The following IQCM variants were observed in gnomAD, a reference collection of about 807,000 sequenced individuals.
IQCM encodes IQ motif containing M.
IQCM carries 45 observed loss-of-function variants against 57.6 expected under a neutral mutation model. The observed-to-expected ratio is 0.78, with a 90% CI of 0.62 to 1.00. The LOEUF is 1.00. Ranked by LOEUF, IQCM falls within the 50% of genes least tolerant of loss-of-function variation. IQCM has a pLI of 0.00. For synonymous variants in IQCM, 148 were observed against 158.9 expected (o/e 0.93, Z 0.51); for missense variants, 468 against 511.6 (o/e 0.91, Z 0.82).
intron 5 of IQCM, among the ~76,000 whole-genome samples, chr4:149,732,954 T>C (rs976487728): frequency 1.3e-5 from 2 of 152,154 alleles, no homozygotes; most frequent in Non-Finnish European, 2.9e-5. Context: ...TTAGCATCTG[T>C]GAAATAAACA....
intron 13 of IQCM, among the ~76,000 whole-genome samples, chr4:149,353,577 T>C (rs912986537): frequency 1.7e-4 from 26 of 152,284 alleles, no homozygotes; most frequent in African/African-American, 6.0e-4. Flanking sequence ...CTGTAGCATA[T>C]ATATACAATG....
At chr4:149,415,035 A>G (rs1259856989) in intron 13 of IQCM, among the ~76,000 whole-genome samples, 1 of 152,120 alleles carries the variant, frequency 6.6e-6, no homozygotes. Flanking sequence ...TTTATGTTCC[A>G]TAGTATTTGT....
chr4:149,453,452 A>G (rs1737351619), intron 12 of IQCM, among the ~76,000 whole-genome samples: 1 of 151,914 alleles, frequency 6.6e-6, no homozygotes, highest in Non-Finnish European at 1.5e-5. Flanking sequence ...AGACTAGAAG[A>G]AAATATCTGC....
At chr4:149,540,638 T>C (rs1279634837) in intron 12 of IQCM, among the ~76,000 whole-genome samples, 1 of 152,108 alleles carries the variant, frequency 6.6e-6, no homozygotes, top group Non-Finnish European at 1.5e-5. Flanking sequence ...AGTGAGCTTG[T>C]GAGCTGCGAT....
rs549173666 is a variant in IQCM at position 149,519,494 on chromosome 4, C to T, written c.1228+28961G>A. ...AAAATTAGCCTGGCGTGGTGGCGGG[C>T]GCCTGTAGTCCCAGCTAATTGGGAG... On this transcript the variant is annotated intron_variant, in intron 12 of 13. Transcript: ENST00000636793. Among the ~76,000 whole-genome samples, 107 of 150,704 alleles carry T rather than the reference C, an allele frequency of 7.1e-4. 1 individual carries two copies. The highest frequency in any genetic ancestry group is 5.3e-3 in the Admixed American group (80 of 15,172).
intron 9 of IQCM, among the ~76,000 whole-genome samples, chr4:149,584,905 T>A (rs1752514813): frequency 6.6e-6 from 1 of 151,722 alleles, no homozygotes; most frequent in South Asian, 2.1e-4. Flanking sequence ...TAGCAGTCAT[T>A]CCAGACCAAG....
chr4:149,649,667 T>C (rs1758977641), intron 7 of IQCM, among the ~76,000 whole-genome samples: 2 of 152,212 alleles, frequency 1.3e-5, no homozygotes, highest in African/African-American at 4.8e-5. Context: ...ATAGGTTTCA[T>C]TTACCCACAA....
chr4:149,396,822 C>T (rs1732262596), intron 13 of IQCM, among the ~76,000 whole-genome samples: 2 of 151,956 alleles, frequency 1.3e-5, no homozygotes, highest in African/African-American at 2.4e-5. Context: ...TCTGTCTTTC[C>T]GTTACTGGTT....
chr4:149,373,731 G>A (rs1056099301), intron 13 of IQCM, among the ~76,000 whole-genome samples: 1 of 151,632 alleles, frequency 6.6e-6, no homozygotes, highest in African/African-American at 2.4e-5. Context: ...TTCTATTCAT[G>A]GATATTGATT....
At chr4:149,460,783 A>T (rs1738191127) in intron 12 of IQCM, among the ~76,000 whole-genome samples, 1 of 152,218 alleles carries the variant, frequency 6.6e-6, no homozygotes, top group Admixed American at 6.5e-5. Context: ...CATGTAGAAC[A>T]AAAGGTACTG....
At chr4:149,616,054 A>C (rs1755764846) in intron 8 of IQCM, among the ~76,000 whole-genome samples, 2 of 152,168 alleles carry the variant, frequency 1.3e-5, no homozygotes, top group Admixed American at 1.3e-4. Context: ...TTCCTCAAAA[A>C]ATTAAACAGA....
rs1022772900 is a variant in IQCM at position 149,787,475 on chromosome 4, G to A, written c.-49+27836C>T. The stretch of plus-strand genomic sequence containing the variant: ...CAGTAACCAAAAGAGCATTGTATGT[G>A]TATAAAAGCAGACACATAGACCAAT... On this transcript the variant is annotated intron_variant, in intron 2 of 13. Transcript: ENST00000636793. 2.0e-5 allele frequency among the ~76,000 whole-genome samples: 3 copies of A among 152,116 alleles called. No homozygotes were observed. In the East Asian group the frequency reaches 5.8e-4, roughly 29 times the overall value.
intron 7 of IQCM, among the ~76,000 whole-genome samples, chr4:149,640,708 T>C (rs991012489): frequency 6.6e-6 from 1 of 152,314 alleles, no homozygotes; most frequent in Middle Eastern, 3.4e-3. Flanking sequence ...CAACGTTGTG[T>C]TTGTGTGATT....
At chr4:149,744,526 A>G (rs1767745638) in intron 2 of IQCM, among the ~76,000 whole-genome samples, 1 of 152,130 alleles carries the variant, frequency 6.6e-6, no homozygotes, top group Admixed American at 6.6e-5. Flanking sequence ...AAGACATCCC[A>G]CTGTCCTTTT....
intron 5 of IQCM, among the ~76,000 whole-genome samples, chr4:149,705,926 A>C (rs903155393): frequency 6.6e-6 from 1 of 151,702 alleles, no homozygotes; most frequent in Non-Finnish European, 1.5e-5. Context: ...AAAAAAAAAA[A>C]TTCTATATCT....
At chr4:149,357,417 C>T (rs1729085914) in intron 13 of IQCM, among the ~76,000 whole-genome samples, 1 of 152,078 alleles carries the variant, frequency 6.6e-6, no homozygotes, top group South Asian at 2.1e-4. Flanking sequence ...GAGATACGTC[C>T]CATCAATACC....
Position 149,568,399 on chromosome 4 carries a change from T to C in IQCM, c.750-4509A>G, listed in dbSNP as rs540561045. 4.9e-4 allele frequency among the ~76,000 whole-genome samples: 75 copies of C among 152,268 alleles called. 1 individual carries two copies. In the South Asian group the frequency reaches 0.015, roughly 31 times the overall value. ...CATATTTTTGTCTAATTCAATACTGTATTCAGGGCTGTCCTGTTTATCAAA... is the reference window on the plus strand; with the variant it reads ...CATATTTTTGTCTAATTCAATACTGCATTCAGGGCTGTCCTGTTTATCAAA... On this transcript the variant is annotated intron_variant, in intron 9 of 13. Transcript: ENST00000636793.
At chr4:149,739,523 C>T (rs1767257321) in intron 3 of IQCM, among the ~76,000 whole-genome samples, 1 of 150,258 alleles carries the variant, frequency 6.7e-6, no homozygotes, top group Admixed American at 6.6e-5. Flanking sequence ...AGATAACTTC[C>T]TAATGCAGTT....
intron 12 of IQCM, among the ~76,000 whole-genome samples, chr4:149,539,659 G>C (rs1267686452): frequency 6.6e-6 from 1 of 152,084 alleles, no homozygotes; most frequent in Non-Finnish European, 1.5e-5. Context: ...TCAGGAGTTT[G>C]AGACCAGGCT....
Sources: gnomAD v4.1 joint callset for allele counts (sites outside exome capture counted in the v4.1 genomes callset) on GRCh38, gnomAD v4.1.1 for gene constraint, MANE v1.5 for transcripts, NCBI Gene and HGNC (gene_info 2026-07-23, HGNC 2026-07-21) for gene names.